The following TXNRD1 variants were observed in gnomAD, a reference collection of about 807,000 sequenced individuals.
TXNRD1 encodes the protein thioredoxin reductase 1, cytoplasmic.
Under a neutral mutation model 80.3 loss-of-function variants are expected in TXNRD1, and 57 were observed. The observed-to-expected ratio is 0.71, with a 90% CI of 0.57 to 0.89. The LOEUF (loss-of-function observed/expected upper bound fraction) is 0.89. TXNRD1 is among the 40% of genes least tolerant of loss of function. The probability of loss-of-function intolerance (pLI) is 0.00; values close to 1 mark genes in which losing one functional copy is unlikely to be tolerated. For missense variants in TXNRD1, 730 were observed against 803.0 expected, an observed-to-expected ratio of 0.91 and a Z score of 1.10; for synonymous variants, 291 against 285.2, an observed-to-expected ratio of 1.02 and a Z score of -0.20.
intron 4 of TXNRD1, chr12:104,303,788 A>T: frequency 7.8e-7 from 1 of 1,281,232 alleles, no homozygotes; most frequent in Non-Finnish European, 1.0e-6. Flanking sequence ...ACACGCTGGG[A>T]GGGCCGTTAC....
chr12:104,269,508 T>A (rs2033608341), intron 3 of TXNRD1, among the ~76,000 whole-genome samples: 1 of 150,180 alleles, frequency 6.7e-6, no homozygotes, highest in African/African-American at 2.4e-5. Context: ...CAAGTGATCC[T>A]CCTGCCTCAG....
chr12:104,251,473 C>T, intron 1 of TXNRD1, 54 bp from the exon 2 acceptor site: 1 of 1,557,794 alleles, frequency 6.4e-7, no homozygotes, highest in Non-Finnish European at 8.7e-7. Flanking sequence ...TTAGAAAATG[C>T]ATCATCATGT....
At chr12:104,324,938 G>A (rs941903982) in intron 10 of TXNRD1, among the ~76,000 whole-genome samples, 1 of 152,206 alleles carries the variant, frequency 6.6e-6, no homozygotes, top group Admixed American at 6.5e-5. Context: ...GTAGTCAAAA[G>A]AGAATCTCTG....
At chr12:104,270,915 GA>G (rs1364486321) in intron 3 of TXNRD1, among the ~76,000 whole-genome samples, 1 of 152,096 alleles carries the variant, frequency 6.6e-6, no homozygotes, top group African/African-American at 2.4e-5. Context: ...TTGGGAGGCC[GA>G]GGGGGGTGGA....
intron 3 of TXNRD1, among the ~76,000 whole-genome samples, chr12:104,268,365 A>AC (rs1555209460): frequency 2.7e-5 from 4 of 148,642 alleles, no homozygotes; most frequent in Non-Finnish European, 4.5e-5. Flanking sequence ...CAAAAAAAAA[A>AC]CCCACCCATA....
At chr12:104,346,067 C>T in intron 16 of TXNRD1, 2 of 1,125,572 alleles carry the variant, frequency 1.8e-6, no homozygotes, top group Non-Finnish European at 2.4e-6. Context: ...GGCTGGAGTG[C>T]AGTGGTGTGA....
At chr12:104,260,247 T>C (rs2033338016) in intron 3 of TXNRD1, among the ~76,000 whole-genome samples, 1 of 152,026 alleles carries the variant, frequency 6.6e-6, no homozygotes, top group Admixed American at 6.6e-5. Context: ...GCGGGAGGAT[T>C]ACCTGAGGTC....
chr12:104,266,665 T>G (rs2033495395), intron 3 of TXNRD1, among the ~76,000 whole-genome samples: 2 of 149,856 alleles, frequency 1.3e-5, no homozygotes, highest in African/African-American at 2.5e-5. Flanking sequence ...ACCCTGTCTC[T>G]ACTAAAAATA....
chr12:104,217,693 C>A (rs2032248649), intron 1 of TXNRD1, among the ~76,000 whole-genome samples: 1 of 152,156 alleles, frequency 6.6e-6, no homozygotes. Context: ...TGAACTTTTT[C>A]ATCTTGCAAA....
rs1311170720 is a variant in TXNRD1, at chr12:104,265,466, A to G, written c.304+7387A>G. The G allele has an allele frequency of 9.3e-6, 15 of 1,607,406 alleles. No homozygotes were observed. In the Admixed American group the frequency reaches 1.7e-4, roughly 18 times the overall value. On this transcript the variant is annotated intron_variant, in intron 3 of 16. Coordinates refer to ENST00000525566, the MANE Select transcript of TXNRD1 (RefSeq NM_001093771.3). Reference sequence around the variant, plus strand: ...TGGTACTTTGTATCTCAGTTAAAGAAGATGAAGAAGTCTTCAGGGGAGATT... The same window carrying G: ...TGGTACTTTGTATCTCAGTTAAAGAGGATGAAGAAGTCTTCAGGGGAGATT...
In TXNRD1 at chr12:104,349,969, T is replaced by G. The variant is rs1488204662; in HGVS notation, c.*1548T>G. The G allele has an allele frequency of 6.6e-6, 1 of 152,424 alleles. No individual in the cohort carries two copies. 9.4% of individuals were successfully genotyped at this position (152,424 alleles called of 1,614,324 possible). Reference sequence around the variant, plus strand: ...GGGAAAAGGGAAAAGGAGAGAGCAATTGAGGCAGTTGACCATATTCAGTTT... The same window carrying G: ...GGGAAAAGGGAAAAGGAGAGAGCAAGTGAGGCAGTTGACCATATTCAGTTT... On this transcript the variant is annotated 3_prime_UTR_variant, in exon 17 of 17. Transcript: ENST00000525566.
At chr12:104,263,870 C>G (rs2033420743) in intron 3 of TXNRD1, among the ~76,000 whole-genome samples, 1 of 152,180 alleles carries the variant, frequency 6.6e-6, no homozygotes, top group African/African-American at 2.4e-5. Flanking sequence ...TGTCTCATAT[C>G]TCTCTTACTT....
chr12:104,238,460 T>C (rs991629577), intron 1 of TXNRD1, among the ~76,000 whole-genome samples: 1 of 152,180 alleles, frequency 6.6e-6, no homozygotes, highest in Non-Finnish European at 1.5e-5. Context: ...TTGTTTTGTT[T>C]TTCAGAGTCA....
chr12:104,322,693 T>TA (rs2035580742), intron 10 of TXNRD1, among the ~76,000 whole-genome samples: 1 of 152,312 alleles, frequency 6.6e-6, no homozygotes, highest in Non-Finnish European at 1.5e-5. Flanking sequence ...AGCTGTTTTT[T>TA]AGAGTAGAGG....
At chr12:104,319,229 T>C (rs36079736) in intron 8 of TXNRD1, among the ~76,000 whole-genome samples, 174 bp downstream of exon 8, 12 of 152,334 alleles carry the variant, frequency 7.9e-5, no homozygotes, top group Admixed American at 2.6e-4. Context: ...GGAGGTATGG[T>C]AAAGTGTAAG....
rs910431997 is a variant in TXNRD1, at chr12:104,309,922, A to G, written c.415-1368A>G. On this transcript the variant is annotated intron_variant, in intron 4 of 16. Transcript: ENST00000525566. ...GTGTTCTCCCTTCAGTCCCTGAGCC[A>G]CTACGTATGCCCGCCATGCTGCCAA... 9.8e-6 allele frequency: 15 copies of G among 1,535,996 alleles called. No individual in the cohort carries two copies. The African/African-American group carries it at 1.4e-4, about 14-fold the overall frequency.
Position 104,215,863 on chromosome 12 carries a change from G to C in TXNRD1, c.61G>C (p.Gly21Arg), listed in dbSNP as rs1770470671. 2 of 1,559,308 alleles carry C rather than the reference G, an allele frequency of 1.3e-6. No homozygotes were observed. The highest frequency in any genetic ancestry group is 8.7e-7 in the Non-Finnish European group (1 of 1,152,592). ...CGCCCCAACGGAGCTGCAGACGAAAGGCAAGAACGGCGATGGCCGCCGTAG... is the reference window on the plus strand; with the variant it reads ...CGCCCCAACGGAGCTGCAGACGAAACGCAAGAACGGCGATGGCCGCCGTAG... The part of the protein sequence containing the change: ...AAAPTELQTK[G>R]KNGDGRRRSA... The change falls in exon 1 of 17, where the codon GGC becomes CGC. Residue 21 changes from glycine to arginine, a missense_variant. By Grantham distance (125) the Gly-to-Arg change is moderately radical. Coordinates refer to ENST00000525566, the MANE Select transcript of TXNRD1 (RefSeq NM_001093771.3).
intron 15 of TXNRD1, among the ~76,000 whole-genome samples, chr12:104,338,333 T>C (rs2036209118): frequency 6.6e-6 from 1 of 151,826 alleles, no homozygotes; most frequent in Admixed American, 6.6e-5. Flanking sequence ...GTGAACATCA[T>C]ACTCTATGTT....
chr12:104,247,104 G>A (rs182582344), intron 1 of TXNRD1, among the ~76,000 whole-genome samples: 10 of 151,968 alleles, frequency 6.6e-5, no homozygotes, highest in Non-Finnish European at 2.9e-5. Context: ...GAGTCTCACG[G>A]TCGCCCAGGC....
Sources: gnomAD v4.1 joint callset for allele counts (sites outside exome capture counted in the v4.1 genomes callset) on GRCh38, gnomAD v4.1.1 for gene constraint, MANE v1.5 for transcripts, NCBI Gene and HGNC (gene_info 2026-07-23, HGNC 2026-07-21) for gene names.